Variants in ANK3 observed in about 807,000 individuals in gnomAD.
ANK3 encodes ankyrin-3.
ANK3 carries 57 observed loss-of-function variants against 370.9 expected under a neutral mutation model. The observed-to-expected ratio is 0.15, with a 90% CI of 0.12 to 0.19. The LOEUF (loss-of-function observed/expected upper bound fraction) is 0.19. Among genes scored for constraint, ANK3 ranks in the 10% least tolerant of loss-of-function variants. ANK3 has a pLI of 1.00. For synonymous variants in ANK3, 1,929 were observed against 1,946.3 expected (o/e 0.99, Z 0.23); for missense variants, 4,439 against 5,302.1 (o/e 0.84, Z 5.06).
chr10:60,455,959 T>C (rs1038852950), intron 2 of ANK3, among the ~76,000 whole-genome samples: 1 of 152,186 alleles, frequency 6.6e-6, no homozygotes, highest in Admixed American at 6.5e-5. Context: ...TCCAACCAAG[T>C]TCTGTGTGAC....
intron 7 of ANK3, among the ~76,000 whole-genome samples, chr10:60,240,739 T>A (rs1044029550): frequency 4.1e-4 from 62 of 152,216 alleles, no homozygotes; most frequent in Middle Eastern, 6.8e-3. Flanking sequence ...TTACAGGTGC[T>A]CACCACCATG....
intron 8 of ANK3, among the ~76,000 whole-genome samples, chr10:60,217,923 G>A (rs1000785831): frequency 6.6e-6 from 1 of 152,082 alleles, no homozygotes; most frequent in Non-Finnish European, 1.5e-5. Context: ...CTTGTTTTAT[G>A]AATCTGAGCG....
At chr10:60,121,657 CT>C (rs2093480786) in intron 25 of ANK3, among the ~76,000 whole-genome samples, 1 of 148,154 alleles carries the variant, frequency 6.7e-6, no homozygotes, top group South Asian at 2.2e-4. Flanking sequence ...TGCTACTGCA[CT>C]CCAGTCTAGG....
intron 2 of ANK3, among the ~76,000 whole-genome samples, chr10:60,550,557 T>C (rs2077066920): frequency 6.6e-6 from 1 of 152,058 alleles, no homozygotes; most frequent in Non-Finnish European, 1.5e-5. Context: ...TTTCTGGTAT[T>C]TTCATGACAA....
At position 60,070,316 on chromosome 10, in the gene ANK3, T is replaced by C; in HGVS notation, c.10565A>G (p.Tyr3522Cys). 6 of 1,614,152 alleles carry C rather than the reference T, an allele frequency of 3.7e-6. No homozygotes were observed. The highest frequency in any genetic ancestry group is 5.1e-6 in the Non-Finnish European group (6 of 1,180,028). The change falls in exon 37 of 44, where the codon TAC (tyrosine) becomes TGC (cysteine). Residue 3522 changes from tyrosine to cysteine, a missense_variant. Around this residue, in one of 13 missense-constraint regions of ANK3, gnomAD observed 1,601 missense variants for 1,731.7 expected, o/e 0.92. Transcript: ENST00000280772. This position sits in a 1 kb window ranked among gnomAD's most constrained non-coding sequence, Gnocchi z 5.7. ...AGTGGCAAATTCTTCATCTACTTTG[T>C]AACTGAAGTAAGTATCAGGAAACAC... ...RSVFPDTYFS[Y>C]KVDEEFATPF... is the part of the protein sequence containing the mutation.
intron 2 of ANK3, among the ~76,000 whole-genome samples, chr10:60,603,205 A>G (rs938142091): frequency 1.3e-5 from 2 of 152,156 alleles, no homozygotes; most frequent in African/African-American, 4.8e-5. Context: ...AAGACAAGGT[A>G]TCAGGCCTTT....
intron 28 of ANK3, among the ~76,000 whole-genome samples, chr10:60,103,875 G>T (rs1450318483): frequency 2.0e-5 from 3 of 152,090 alleles, no homozygotes; most frequent in Admixed American, 2.0e-4. Flanking sequence ...TTACATCATT[G>T]TTTCTTTACA....
At chr10:60,206,210 C>T (rs1436346627) in intron 10 of ANK3, among the ~76,000 whole-genome samples, 3 of 152,116 alleles carry the variant, frequency 2.0e-5, no homozygotes, top group Non-Finnish European at 2.9e-5. Context: ...TGGTGGCTCA[C>T]ATGTGTAATC....
At chr10:60,649,692 C>A (rs1177840844) in intron 1 of ANK3, among the ~76,000 whole-genome samples, 1 of 152,200 alleles carries the variant, frequency 6.6e-6, no homozygotes, top group Non-Finnish European at 1.5e-5. Context: ...TAGGAGAGAG[C>A]TTTTAGCCAC....
At chr10:60,572,855 G>T in intron 2 of ANK3, 1 of 1,070,050 alleles carries the variant, frequency 9.3e-7, no homozygotes. Flanking sequence ...TTTGTTGCTT[G>T]TTCCTCCACA....
At chr10:60,682,318 C>T (rs1419169999) in intron 1 of ANK3, among the ~76,000 whole-genome samples, 2 of 152,102 alleles carry the variant, frequency 1.3e-5, no homozygotes, top group Non-Finnish European at 1.5e-5. Context: ...AACACCAAAT[C>T]GGACATCCTG....
intron 1 of ANK3, among the ~76,000 whole-genome samples, chr10:60,332,674 GA>G (rs2051662965): frequency 6.6e-6 from 1 of 152,206 alleles, no homozygotes; most frequent in East Asian, 1.9e-4. Context: ...AGATATTTGG[GA>G]AAGGCCAAAA....
Position 60,073,356 on chromosome 10 carries a change from C to A in ANK3, c.7525G>T (p.Ala2509Ser). The part of the protein sequence containing the change: ...DKRSREKIAT[A>S]PKKEILSKIY... ...TTGGAGAGAATTTCTTTTTTGGGGG[C>A]AGTGGCTATTTTTTCTCTGGACCGC... The change falls in exon 37 of 44, where the codon GCC becomes TCC. Residue 2509 changes from alanine to serine, a missense_variant. Around this residue, in one of 13 missense-constraint regions of ANK3, gnomAD observed 1,601 missense variants for 1,731.7 expected, o/e 0.92. Coordinates refer to ENST00000280772, the MANE Select transcript of ANK3 (RefSeq NM_020987.5). 1 of 1,613,726 alleles carries A rather than the reference C, an allele frequency of 6.2e-7. No homozygotes were observed. The highest frequency in any genetic ancestry group is 8.5e-7 in the Non-Finnish European group (1 of 1,179,978).
At chr10:60,354,563 A>G (rs1249444171) in intron 1 of ANK3, among the ~76,000 whole-genome samples, 1 of 152,234 alleles carries the variant, frequency 6.6e-6, no homozygotes, top group Non-Finnish European at 1.5e-5. Flanking sequence ...TTTTAATAAC[A>G]CTTTCCAAAT....
intron 26 of ANK3, among the ~76,000 whole-genome samples, chr10:60,113,716 A>T (rs2092885942): frequency 6.6e-6 from 1 of 152,226 alleles, no homozygotes; most frequent in Admixed American, 6.5e-5. Context: ...TCAAAAACAA[A>T]AAACAAAAAC....
At chr10:60,212,632 C>G (rs987248586) in intron 9 of ANK3, among the ~76,000 whole-genome samples, 2 of 152,146 alleles carry the variant, frequency 1.3e-5, no homozygotes, top group Non-Finnish European at 2.9e-5. Context: ...CATCTCAACC[C>G]TGTCTAGCCT....
intron 1 of ANK3, among the ~76,000 whole-genome samples, chr10:60,713,422 A>G (rs1310292876): frequency 6.6e-6 from 1 of 152,202 alleles, no homozygotes; most frequent in Non-Finnish European, 1.5e-5. Context: ...GAAAATAAAG[A>G]TGCAACTTAT....
At chr10:60,524,579 T>C in intron 2 of ANK3, among the ~76,000 whole-genome samples, 1 of 152,256 alleles carries the variant, frequency 6.6e-6, no homozygotes, top group African/African-American at 2.4e-5. Context: ...TGCTCCTCCA[T>C]GCCTTCCACC....
rs201791965 is a variant in ANK3, at chr10:60,506,389, G to A, written c.96+108797C>T. On this transcript the variant is annotated intron_variant, in intron 2 of 43. Coordinates refer to the ANK3 transcript ENST00000373827. ...GGGAATAACAACTTTGGCTATTTCC[G>A]AACTTCTATTAAAGAGAAAGATGTG... Among the ~76,000 whole-genome samples the A allele has an allele frequency of 3.5e-4, 54 of 152,150 alleles. 1 individual carries two copies. The East Asian group carries it at 8.7e-3, about 25-fold the overall frequency.
Sources: gnomAD v4.1 joint callset for allele counts (sites outside exome capture counted in the v4.1 genomes callset) on GRCh38, gnomAD v4.1.1 for gene constraint, gnomAD v4.1.1 regional missense constraint, Gnocchi (gnomAD v3.1) non-coding constraint, MANE v1.5 for transcripts, NCBI Gene and HGNC (gene_info 2026-07-23, HGNC 2026-07-21) for gene names.